Variants in FAM171A1 observed in about 807,000 individuals in gnomAD.
The protein encoded by FAM171A1 is protein FAM171A1.
FAM171A1 carries 23 observed loss-of-function variants against 74.9 expected under a neutral mutation model. The ratio of observed to expected loss-of-function variants is 0.31; its 90% CI spans 0.22 to 0.44. FAM171A1 has a LOEUF of 0.44. Ranked by LOEUF, FAM171A1 falls within the 20% of genes least tolerant of loss-of-function variation. FAM171A1 has a pLI of 1.00. For synonymous variants in FAM171A1, 527 were observed against 505.7 expected (o/e 1.04, Z -0.57); for missense variants, 1,162 against 1,159.2 (o/e 1.00, Z -0.03).
chr10:15,368,665 G>A (rs1836095600), intron 1 of FAM171A1, among the ~76,000 whole-genome samples: 1 of 152,182 alleles, frequency 6.6e-6, no homozygotes. Flanking sequence ...AGCACCATCT[G>A]AGCACCAACT....
chr10:15,296,613 C>A (rs6602832), intron 1 of FAM171A1, among the ~76,000 whole-genome samples: 103,309 of 151,632 alleles, frequency 0.68, 35,387 homozygotes, highest in East Asian at 0.9. Flanking sequence ...GGCACTAGAA[C>A]CCCCCCTAGC....
At chr10:15,292,060 G>C (rs369287906) in intron 1 of FAM171A1, among the ~76,000 whole-genome samples, 2 of 152,194 alleles carry the variant, frequency 1.3e-5, no homozygotes, top group East Asian at 3.9e-4. Flanking sequence ...GTTAGTCCAA[G>C]GTTAGGGCAG....
intron 5 of FAM171A1, chr10:15,237,809 C>G (rs1454654152): frequency 6.6e-6 from 1 of 152,056 alleles, no homozygotes; most frequent in Admixed American, 6.6e-5. Context: ...CATTAAAGCC[C>G]CATTCACCCC....
At chr10:15,229,456 ATT>A (rs1008298413) in intron 5 of FAM171A1, among the ~76,000 whole-genome samples, 1 of 146,536 alleles carries the variant, frequency 6.8e-6, no homozygotes, top group Non-Finnish European at 1.5e-5. Context: ...CACCACCATC[ATT>A]GTCACCATCA....
In FAM171A1 at chr10:15,241,995, C is replaced by T. The variant is rs901428553; in HGVS notation, c.754+6644G>A. On this transcript the variant is annotated intron_variant, in intron 5 of 7. Transcript: ENST00000378116. ...TTAGATGAAAAATTATTAATAGATT[C>T]ACAAGTTGCTATCTGTGCCATTTCT... is the stretch of plus-strand genomic sequence containing the variant. Among the ~76,000 whole-genome samples, 8 of 152,134 alleles carry T rather than the reference C, an allele frequency of 5.3e-5. No individual in the cohort carries two copies. In the East Asian group the frequency reaches 1.5e-3, roughly 29 times the overall value.
intron 6 of FAM171A1, among the ~76,000 whole-genome samples, chr10:15,217,607 A>G (rs1230048587): frequency 6.6e-6 from 1 of 152,086 alleles, no homozygotes; most frequent in African/African-American, 2.4e-5. Flanking sequence ...ATAACTGACA[A>G]TTAGATACTG....
intron 5 of FAM171A1, among the ~76,000 whole-genome samples, chr10:15,225,311 A>C (rs931102262): frequency 8.5e-5 from 13 of 152,222 alleles, no homozygotes; most frequent in Non-Finnish European, 1.8e-4. Flanking sequence ...TGCAGTAGGC[A>C]GGGAAGGATA....
intron 3 of FAM171A1, among the ~76,000 whole-genome samples, chr10:15,263,496 C>T (rs1223413727): frequency 6.6e-6 from 1 of 152,208 alleles, no homozygotes; most frequent in Non-Finnish European, 1.5e-5. Context: ...AGTTTGGAAA[C>T]AATTTGCCAG....
intron 1 of FAM171A1, among the ~76,000 whole-genome samples, chr10:15,290,010 A>G (rs1835084309): frequency 6.6e-6 from 1 of 152,202 alleles, no homozygotes; most frequent in African/African-American, 2.4e-5. Context: ...CGGGCGGGTC[A>G]CGAGGTCAGG....
At position 15,214,387 on chromosome 10, in the gene FAM171A1, T is replaced by C; in HGVS notation, c.1201A>G (p.Met401Val). The C allele has an allele frequency of 2.5e-6, 4 of 1,613,862 alleles. No individual in the cohort carries two copies. Among genetic ancestry groups the C allele is most frequent in the Non-Finnish European group, 3.4e-6 (4 of 1,179,846 alleles). The change falls in exon 8 of 8, where the codon ATG (methionine) becomes GTG (valine). Residue 401 changes from methionine to valine, a missense_variant. By Grantham distance (21) the Met-to-Val change is conservative (BLOSUM62 1). Transcript: ENST00000378116. Reference protein sequence around the residue: ...KELMSGVHLEMMSPGGEGDLH... With the variant: ...KELMSGVHLEVMSPGGEGDLH... ...TCCCCTTCGCCGCCCGGAGACATCA[T>C]TTCCAAATGGACTCCACTCATCAGT...
chr10:15,214,748 C>A (rs1329780069), intron 7 of FAM171A1, 147 bp from the exon 8 acceptor site: 2 of 1,066,006 alleles, frequency 1.9e-6, no homozygotes, highest in South Asian at 1.8e-5. Context: ...CTTCTCACCC[C>A]ACGCCCTGTC....
intron 1 of FAM171A1, among the ~76,000 whole-genome samples, chr10:15,300,406 T>C (rs1835213377): frequency 6.6e-6 from 1 of 152,028 alleles, no homozygotes; most frequent in Admixed American, 6.6e-5. Flanking sequence ...GTCCAGAAAA[T>C]ATGGATACCA....
At chr10:15,263,009 G>T (rs1834679890) in intron 3 of FAM171A1, among the ~76,000 whole-genome samples, 1 of 152,186 alleles carries the variant, frequency 6.6e-6, no homozygotes, top group South Asian at 2.1e-4. Context: ...GGGGCATATG[G>T]AGTGTGCTGG....
chr10:15,357,620 A>G (rs987409884), intron 1 of FAM171A1, among the ~76,000 whole-genome samples: 4 of 152,212 alleles, frequency 2.6e-5, no homozygotes, highest in Non-Finnish European at 4.4e-5. Flanking sequence ...AAGAGGAAAA[A>G]TAAGCATTAA....
intron 1 of FAM171A1, among the ~76,000 whole-genome samples, chr10:15,330,710 CTTCTTTTTT>C (rs1835618171): frequency 2.9e-5 from 2 of 69,514 alleles, no homozygotes; most frequent in Non-Finnish European, 5.8e-5. Flanking sequence ...TTTTCTTCTT[CTTCTTTTTT>C]TTTTTTTTTT....
intron 5 of FAM171A1, among the ~76,000 whole-genome samples, chr10:15,236,559 C>T (rs1834293488): frequency 6.6e-6 from 1 of 152,132 alleles, no homozygotes; most frequent in African/African-American, 2.4e-5. Context: ...CAAGCCGTCT[C>T]GGTGGCTGGG....
At chr10:15,277,423 C>A (rs1040148940) in intron 2 of FAM171A1, among the ~76,000 whole-genome samples, 3 of 152,122 alleles carry the variant, frequency 2.0e-5, no homozygotes, top group Non-Finnish European at 4.4e-5. Flanking sequence ...AGGGTTTCAC[C>A]ATGTTGGCCA....
chr10:15,216,832 G>GAAAAAAAA (rs5783433), intron 6 of FAM171A1, among the ~76,000 whole-genome samples: 1 of 134,892 alleles, frequency 7.4e-6, no homozygotes, highest in Non-Finnish European at 1.6e-5. Context: ...ATATTGCAGT[G>GAAAAAAAA]AAAAAAAAAA....
Position 15,216,018 on chromosome 10 carries a change from A to G in FAM171A1, c.964T>C (p.Cys322Arg). The change falls in exon 7 of 8, where the codon TGT becomes CGT. Residue 322 changes from cysteine to arginine, a missense_variant. Physicochemically the swap from Cys to Arg is radical, Grantham distance 180. Coordinates refer to ENST00000378116, the MANE Select transcript of FAM171A1 (RefSeq NM_001010924.2). ...TACCTGCAATAATATAAAAGGAGAC[A>G]CAGCAAAACCAAAAGTATGAAAGCC... is the stretch of plus-strand genomic sequence containing the variant. ...GMAFILLVLL[C>R]LLLYYCRRKC... is the part of the protein sequence containing the mutation. 6.2e-7 allele frequency: 1 copy of G among 1,606,552 alleles called. No homozygotes were observed. Among genetic ancestry groups the G allele is most frequent in the Non-Finnish European group, 8.5e-7 (1 of 1,178,342 alleles).
Sources: allele counts gnomAD v4.1 joint callset (sites outside exome capture counted in the v4.1 genomes callset), GRCh38; gene constraint gnomAD v4.1.1; transcripts MANE v1.5; gene names NCBI Gene and HGNC (gene_info 2026-07-23, HGNC 2026-07-21).